Variants in CR1L observed in about 807,000 individuals in gnomAD.
CR1L encodes the protein complement C3b/C4b receptor 1 like, also known as complement component receptor 1-like protein.
Under a neutral mutation model 62.3 loss-of-function variants are expected in CR1L, and 59 were observed. The ratio of observed to expected loss-of-function variants is 0.95; its 90% CI spans 0.77 to 1.18. The LOEUF is 1.18. CR1L is among the 50% of genes most tolerant of loss of function. The pLI, the probability that CR1L is intolerant of heterozygous loss-of-function variation, is 0.00. For synonymous variants in CR1L, 279 were observed against 248.7 expected (o/e 1.12, Z -1.15); for missense variants, 700 against 702.8 (o/e 1.00, Z 0.04).
At chr1:207,682,330 G>A (rs1263468538) in intron 3 of CR1L, among the ~76,000 whole-genome samples, 1 of 152,026 alleles carries the variant, frequency 6.6e-6, no homozygotes, top group African/African-American at 2.4e-5. Context: ...AAATTAGCCA[G>A]GCATAGTGGC....
At chr1:207,683,992 G>C in intron 4 of CR1L, 35 bp downstream of exon 4, 2 of 1,574,638 alleles carry the variant, frequency 1.3e-6, no homozygotes, top group Non-Finnish European at 1.7e-6. Context: ...TTCTTTTACC[G>C]ATACATTCTA....
rs747475524 is a variant in CR1L, at chr1:207,684,267, A to G, written c.463+310A>G. ...CAGTATAATAATCATCCTGCTTGGC[A>G]AATCAGTAAAGATTTTAAAAATTGA... On this transcript the variant is annotated intron_variant, in intron 4 of 11. Coordinates refer to ENST00000508064, the MANE Select transcript of CR1L (RefSeq NM_175710.2). Among the ~76,000 whole-genome samples the G allele has an allele frequency of 1.2e-4, 19 of 152,242 alleles. 1 individual carries two copies. Among genetic ancestry groups the G allele is most frequent in the Middle Eastern group, 3.4e-3 (1 of 294 alleles).
At chr1:207,672,529 A>C (rs1663628762) in intron 1 of CR1L, among the ~76,000 whole-genome samples, 2 of 151,892 alleles carry the variant, frequency 1.3e-5, no homozygotes, top group Non-Finnish European at 2.9e-5. Flanking sequence ...CAGAAAATCC[A>C]TAAGGACATA....
chr1:207,652,676 C>T, intron 1 of CR1L: 1 of 987,478 alleles, frequency 1.0e-6, no homozygotes, highest in Non-Finnish European at 1.6e-6. Context: ...CCTCTTGCCA[C>T]CCATACTATT....
intron 9 of CR1L, among the ~76,000 whole-genome samples, chr1:207,705,127 G>A (rs1325956839): frequency 6.6e-6 from 1 of 152,158 alleles, no homozygotes; most frequent in Non-Finnish European, 1.5e-5. Context: ...TCCTCAGATG[G>A]CCATCTTCCC....
At chr1:207,695,502 G>C (rs1439538640) in intron 5 of CR1L, among the ~76,000 whole-genome samples, 2 of 152,106 alleles carry the variant, frequency 1.3e-5, no homozygotes, top group Admixed American at 6.5e-5. Context: ...GCAGACTGAA[G>C]ACTGAAACGC....
At chr1:207,708,047 C>A in intron 9 of CR1L, 131 bp from the exon 10 acceptor site, 2 of 1,079,336 alleles carry the variant, frequency 1.9e-6, no homozygotes, top group Non-Finnish European at 2.8e-6. Context: ...AAGCTGGGAA[C>A]AATAGGTAAA....
intron 11 of CR1L, among the ~76,000 whole-genome samples, chr1:207,719,736 A>G (rs932225744): frequency 1.3e-5 from 2 of 151,694 alleles, no homozygotes; most frequent in East Asian, 1.9e-4. Flanking sequence ...ACACACACAC[A>G]CGCACACACA....
intron 4 of CR1L, among the ~76,000 whole-genome samples, chr1:207,684,650 CT>C (rs1202919307): frequency 2.6e-5 from 4 of 152,072 alleles, no homozygotes; most frequent in African/African-American, 9.7e-5. Flanking sequence ...TATCCATACA[CT>C]GGCATGGTAT....
chr1:207,672,915 C>A (rs922455436), intron 1 of CR1L, among the ~76,000 whole-genome samples: 1 of 152,086 alleles, frequency 6.6e-6, no homozygotes, highest in African/African-American at 2.4e-5. Flanking sequence ...TTCGGACAGG[C>A]AACATCAAAA....
intron 4 of CR1L, among the ~76,000 whole-genome samples, chr1:207,684,258 C>T (rs188208283): frequency 3.3e-5 from 5 of 152,198 alleles, no homozygotes; most frequent in Admixed American, 2.0e-4. Flanking sequence ...AATAATCATC[C>T]TGCTTGGCAA....
Position 207,652,317 on chromosome 1 carries a change from C to T in CR1L, c.97+6987C>T, listed in dbSNP as rs143320542. 5.9e-4 allele frequency among the ~76,000 whole-genome samples: 90 copies of T among 152,262 alleles called. 3 individuals are homozygous for T. In the East Asian group the frequency reaches 0.014, roughly 24 times the overall value. On this transcript the variant is annotated intron_variant, in intron 1 of 11. Coordinates refer to ENST00000508064, the MANE Select transcript of CR1L (RefSeq NM_175710.2). ...TAATGCTGTCTCTTCAGTTTATTGT[C>T]GAATGTTTATTCCCAAACAAACCAA...
intron 1 of CR1L, among the ~76,000 whole-genome samples, chr1:207,667,043 C>G (rs1165700254): frequency 6.6e-6 from 1 of 152,084 alleles, no homozygotes; most frequent in Admixed American, 6.5e-5. Context: ...AACAAATTAC[C>G]TATATTCCCA....
chr1:207,714,395 C>T (rs187328655), intron 10 of CR1L, among the ~76,000 whole-genome samples: 395 of 152,268 alleles, frequency 2.6e-3, no homozygotes, highest in African/African-American at 9.0e-3. Flanking sequence ...GCACACCCAA[C>T]AGGAAGAGAG....
At chr1:207,650,304 C>T (rs1663202786) in intron 1 of CR1L, among the ~76,000 whole-genome samples, 1 of 152,114 alleles carries the variant, frequency 6.6e-6, no homozygotes, top group African/African-American at 2.4e-5. Flanking sequence ...TGGTATGAGC[C>T]AGAGGACAAG....
chr1:207,652,003 T>C (rs1663230732), intron 1 of CR1L, among the ~76,000 whole-genome samples: 1 of 152,234 alleles, frequency 6.6e-6, no homozygotes, highest in East Asian at 1.9e-4. Context: ...ATCCACTACA[T>C]TTACTTAATA....
Position 207,723,699 on chromosome 1 carries a change from C to T in CR1L, c.*14C>T, listed in dbSNP as rs1452463127. 3 of 1,516,018 alleles carry T rather than the reference C, an allele frequency of 2.0e-6. No individual in the cohort carries two copies. The African/African-American group carries it at 4.1e-5, about 21-fold the overall frequency. 93.9% of individuals were successfully genotyped at this position (1,516,018 alleles called of 1,614,324 possible). On this transcript the variant is annotated 3_prime_UTR_variant, in exon 12 of 12. Transcript: ENST00000508064. The stretch of plus-strand genomic sequence containing the variant: ...TGTCATCTTTAACAGTAAGTACCTA[C>T]TTATAATGAATGCAATGTAGAAAGA...
intron 4 of CR1L, 21 bp from the exon 5 acceptor site, chr1:207,694,332 A>C (rs771637025): frequency 1.2e-6 from 2 of 1,613,448 alleles, no homozygotes; most frequent in Non-Finnish European, 1.7e-6. Flanking sequence ...ATTTAAATTG[A>C]CTGTGCTCTT....
At chr1:207,705,325 C>T (rs1382248930) in intron 9 of CR1L, among the ~76,000 whole-genome samples, 1 of 152,224 alleles carries the variant, frequency 6.6e-6, no homozygotes, top group Non-Finnish European at 1.5e-5. Flanking sequence ...GGGGTTAAGA[C>T]TTCCCAACAT....
Sources: gnomAD v4.1 joint callset for allele counts (sites outside exome capture counted in the v4.1 genomes callset) on GRCh38, gnomAD v4.1.1 for gene constraint, MANE v1.5 for transcripts, NCBI Gene and HGNC (gene_info 2026-07-23, HGNC 2026-07-21) for gene names.